GDAP1: variants seen among roughly 807,000 people sequenced by gnomAD.
GDAP1 encodes the protein ganglioside-induced differentiation-associated protein 1.
GDAP1 carries 34 observed loss-of-function variants against 40.1 expected under a neutral mutation model. The observed-to-expected ratio is 0.85, with a 90% CI of 0.64 to 1.13. The LOEUF (loss-of-function observed/expected upper bound fraction) is 1.13. GDAP1 is among the 50% of genes most tolerant of loss of function. GDAP1 has a pLI of 0.00. For missense variants in GDAP1, 374 were observed against 433.7 expected, an observed-to-expected ratio of 0.86 and a Z score of 1.22; for synonymous variants, 170 against 157.4, an observed-to-expected ratio of 1.08 and a Z score of -0.60.
chr8:74,437,342 T>G (rs1806105720), intron 2 of GDAP1, among the ~76,000 whole-genome samples: 1 of 152,242 alleles, frequency 6.6e-6, no homozygotes, highest in African/African-American at 2.4e-5. Flanking sequence ...CCAGTCGCAG[T>G]AAAGCTAGGA....
At chr8:74,416,902 G>GTTT (rs1323353491) in intron 2 of GDAP1, among the ~76,000 whole-genome samples, 1 of 135,288 alleles carries the variant, frequency 7.4e-6, no homozygotes, top group African/African-American at 3.0e-5. Flanking sequence ...CTTATGAAAA[G>GTTT]TTTTTTTTTT....
intron 4 of GDAP1, among the ~76,000 whole-genome samples, chr8:74,362,618 A>G (rs1480921316): frequency 2.6e-5 from 4 of 152,040 alleles, no homozygotes; most frequent in Admixed American, 6.6e-5. Flanking sequence ...TACGGCTGCT[A>G]GAATTCTTTT....
At chr8:74,373,677 T>C (rs954841775) in intron 2 of GDAP1, among the ~76,000 whole-genome samples, 1 of 152,260 alleles carries the variant, frequency 6.6e-6, no homozygotes, top group South Asian at 2.1e-4. Context: ...TGGGGTTTTC[T>C]AAATATATAA....
downstream of GDAP1, among the ~76,000 whole-genome samples, chr8:74,371,544 C>T (rs1483032512): frequency 1.3e-5 from 2 of 151,696 alleles, no homozygotes; most frequent in African/African-American, 4.8e-5. Flanking sequence ...CCTGTAGTCC[C>T]AGCTACTTGG....
chr8:74,455,608 G>C (rs1187951075), intron 2 of GDAP1, among the ~76,000 whole-genome samples: 1 of 151,886 alleles, frequency 6.6e-6, no homozygotes, highest in Non-Finnish European at 1.5e-5. Context: ...GCTTTGAAGA[G>C]TTTCTGAGTG....
intron 2 of GDAP1, among the ~76,000 whole-genome samples, chr8:74,445,449 G>A (rs1027973376): frequency 6.6e-6 from 1 of 152,130 alleles, no homozygotes; most frequent in African/African-American, 2.4e-5. Context: ...TGCAAATTGT[G>A]TAATTCTATT....
At chr8:74,423,247 TA>T (rs1315733008) in intron 2 of GDAP1, among the ~76,000 whole-genome samples, 1 of 147,318 alleles carries the variant, frequency 6.8e-6, no homozygotes, top group African/African-American at 2.5e-5. Context: ...ATGTATACTA[TA>T]TATAATAGTA....
At position 74,353,729 on chromosome 8, in the gene GDAP1, C is replaced by A. The variant is rs1333863357; in HGVS notation, c.310+2263C>A. 2.0e-5 allele frequency among the ~76,000 whole-genome samples: 3 copies of A among 152,184 alleles called. No homozygotes were observed. In the East Asian group the frequency reaches 5.8e-4, roughly 29 times the overall value. On this transcript the variant is annotated intron_variant, in intron 2 of 5. Transcript: ENST00000220822. ...CTCTGCAGACCTATCAAATTAGAATCTTTGTTTTAACAAGAGCCCCATGTG... is the reference window on the plus strand; with the variant it reads ...CTCTGCAGACCTATCAAATTAGAATATTTGTTTTAACAAGAGCCCCATGTG...
rs1809639277 is a variant in GDAP1 at position 74,366,428 on chromosome 8, A to C, written c.*2061A>C. 2 of 454,390 alleles carry C rather than the reference A, an allele frequency of 4.4e-6. No homozygotes were observed. Among genetic ancestry groups the C allele is most frequent in the African/African-American group, 4.0e-5 (2 of 50,018 alleles). The allele number at this position is 454,390 out of a possible 1,614,324, so 28.1% of individuals were successfully genotyped here. On this transcript the variant is annotated 3_prime_UTR_variant, in exon 6 of 6. Coordinates refer to ENST00000220822, the MANE Select transcript of GDAP1 (RefSeq NM_018972.4). ...CAGATTATTCTTCTGTTTTAAAAAA[A>C]AGCTTGAGGCAAATGTGAGTGATTT...
At position 74,483,122 on chromosome 8, in the gene GDAP1, C is replaced by T. The variant is rs75239485; in HGVS notation, c.166-5556C>T. 8.4e-3 allele frequency among the ~76,000 whole-genome samples: 1,281 copies of T among 152,212 alleles called. 16 individuals are homozygous for T. Among genetic ancestry groups the T allele is most frequent in the African/African-American group, 0.029 (1,195 of 41,544 alleles). ...AATGAATGAGACCATAGAGCTAGTG[C>T]TCTTCTGGACACACAGTTAGAGTTC... On this transcript the variant is annotated intron_variant, in intron 2 of 2. Transcript: ENST00000523640.
At chr8:74,441,395 T>C (rs534874268) in intron 2 of GDAP1, among the ~76,000 whole-genome samples, 1 of 152,294 alleles carries the variant, frequency 6.6e-6, no homozygotes, top group South Asian at 2.1e-4. Flanking sequence ...ATTTAGCAGC[T>C]AATAAGCAAG....
intron 2 of GDAP1, among the ~76,000 whole-genome samples, chr8:74,435,777 G>C (rs904161724): frequency 6.6e-6 from 1 of 152,100 alleles, no homozygotes; most frequent in Non-Finnish European, 1.5e-5. Flanking sequence ...TCAACTCTTT[G>C]ATTTCTCTTT....
At chr8:74,351,182 G>A in intron 1 of GDAP1, 92 bp from the exon 2 acceptor site, 1 of 989,238 alleles carries the variant, frequency 1.0e-6, no homozygotes, top group Non-Finnish European at 1.6e-6. Context: ...CGGTAACACA[G>A]GGAAGCCCAG....
At chr8:74,368,988 T>C (rs539875975), downstream of GDAP1, among the ~76,000 whole-genome samples, 1 of 152,292 alleles carries the variant, frequency 6.6e-6, no homozygotes, top group East Asian at 1.9e-4. Flanking sequence ...TAAAAAAGCC[T>C]GAAACCAAGT....
rs1444959730 is a variant in GDAP1 at position 74,366,580 on chromosome 8, C to T, written c.*2213C>T. On this transcript the variant is annotated 3_prime_UTR_variant, in exon 6 of 6. Coordinates refer to ENST00000220822, the MANE Select transcript of GDAP1 (RefSeq NM_018972.4). ...ATCGGTGACTGGTCAGTGTACTCAT[C>T]AATTTCCAAAATTTGTATAAATATC... is the stretch of plus-strand genomic sequence containing the variant. 1 of 453,290 alleles carries T rather than the reference C, an allele frequency of 2.2e-6. No homozygotes were observed. Among genetic ancestry groups the T allele is most frequent in the Non-Finnish European group, 4.4e-6 (1 of 226,542 alleles). The allele number at this position is 453,290 out of a possible 1,614,324, so 28.1% of individuals were successfully genotyped here. A position where few individuals can be genotyped will look rare whatever the true frequency, so the allele number is the denominator to read the frequency against.
At chr8:74,479,848 G>A (rs2128721461) in intron 2 of GDAP1, among the ~76,000 whole-genome samples, 1 of 152,330 alleles carries the variant, frequency 6.6e-6, no homozygotes, top group African/African-American at 2.4e-5. Flanking sequence ...AACAGCAAGA[G>A]CAGAGGCTGT....
intron 2 of GDAP1, among the ~76,000 whole-genome samples, chr8:74,488,171 T>C (rs113473567): frequency 2.6e-5 from 4 of 152,302 alleles, no homozygotes; most frequent in African/African-American, 9.6e-5. Flanking sequence ...AGTTAAAAAT[T>C]ATTAAACTAG....
intron 2 of GDAP1, among the ~76,000 whole-genome samples, chr8:74,413,148 A>G (rs2131554882): frequency 6.8e-6 from 1 of 147,376 alleles, no homozygotes; most frequent in South Asian, 2.1e-4. Context: ...TGTGTATGCT[A>G]AAAGTAATGG....
At chr8:74,440,499 G>A (rs555220853) in intron 2 of GDAP1, among the ~76,000 whole-genome samples, 1 of 152,030 alleles carries the variant, frequency 6.6e-6, no homozygotes, top group East Asian at 1.9e-4. Context: ...CATTTTCTAA[G>A]TGTATGTTTC....
Sources: allele counts gnomAD v4.1 joint callset (sites outside exome capture counted in the v4.1 genomes callset), GRCh38; gene constraint gnomAD v4.1.1; transcripts MANE v1.5; gene names NCBI Gene and HGNC (gene_info 2026-07-23, HGNC 2026-07-21).